Variants in ZNF341 observed in about 807,000 individuals in gnomAD.
ZNF341 encodes the protein zinc finger protein 341.
A neutral mutation model predicts 87.7 loss-of-function variants in ZNF341; 52 were observed. The observed-to-expected ratio is 0.59, with a 90% confidence interval of 0.47 to 0.75. The LOEUF (loss-of-function observed/expected upper bound fraction) is 0.75. Ranked by LOEUF, ZNF341 falls within the 30% of genes least tolerant of loss-of-function variation. The pLI is 0.00. For missense variants in ZNF341, 977 were observed against 1,145.9 expected (o/e 0.85, Z 2.13); for synonymous variants, 459 against 472.7 (o/e 0.97, Z 0.38).
At chr20:33,769,247 G>A (rs994831926) in intron 9 of ZNF341, among the ~76,000 whole-genome samples, 2 of 152,102 alleles carry the variant, frequency 1.3e-5, no homozygotes, top group Non-Finnish European at 2.9e-5. Context: ...AGGCTCCTTA[G>A]ACAGCAGTTC....
At chr20:33,743,334 A>G (rs975384566) in intron 2 of ZNF341, among the ~76,000 whole-genome samples, 1 of 118,594 alleles carries the variant, frequency 8.4e-6, no homozygotes. Flanking sequence ...CACCCTGCCC[A>G]ATTTTTTTTT....
chr20:33,742,066 C>T (rs2018814280), intron 2 of ZNF341, among the ~76,000 whole-genome samples: 1 of 152,194 alleles, frequency 6.6e-6, no homozygotes, highest in Admixed American at 6.6e-5. Flanking sequence ...TGGTGAGACT[C>T]AGACTCCTTC....
chr20:33,760,461 T>G, intron 7 of ZNF341, among the ~76,000 whole-genome samples: 1 of 152,302 alleles, frequency 6.6e-6, no homozygotes, highest in East Asian at 1.9e-4. Context: ...AGCTACTGAC[T>G]ATACATGGCT....
intron 3 of ZNF341, among the ~76,000 whole-genome samples, chr20:33,746,817 G>T (rs2018935879): frequency 6.6e-6 from 1 of 152,138 alleles, no homozygotes; most frequent in Admixed American, 6.6e-5. Context: ...ATTGGGTGAG[G>T]AGTGTGAGAT....
At chr20:33,733,019 A>G (rs1211851702) in intron 1 of ZNF341, among the ~76,000 whole-genome samples, 1 of 152,160 alleles carries the variant, frequency 6.6e-6, no homozygotes, top group Non-Finnish European at 1.5e-5. Context: ...TGAGTCCTGC[A>G]GCTTCCTAGG....
rs2018586808 is a variant in ZNF341 at position 33,732,316 on chromosome 20, T to C, written c.31+264T>C. On this transcript the variant is annotated intron_variant, in intron 1 of 14. Transcript: ENST00000375200. This position sits in a 1 kb window ranked among gnomAD's most constrained non-coding sequence, Gnocchi z 4.5. ...CGGAACAGCGCCAGCCTGGGCGGCCTTGGGCGGGCGCGGGAGGGGCTCCCT... is the reference window on the plus strand; with the variant it reads ...CGGAACAGCGCCAGCCTGGGCGGCCCTGGGCGGGCGCGGGAGGGGCTCCCT... 6.7e-6 allele frequency among the ~76,000 whole-genome samples: 1 copy of C among 149,170 alleles called. No individual in the cohort carries two copies. Among genetic ancestry groups the C allele is most frequent in the Non-Finnish European group, 1.5e-5 (1 of 67,190 alleles).
Position 33,770,183 on chromosome 20 carries a change from T to C in ZNF341, c.1513T>C (p.Cys505Arg). The stretch of plus-strand genomic sequence containing the variant: ...CCACCAGGAGGAGCTGAGCTACCGC[T>C]GCCACCTCTGCGGCAAGGACTTCCC... Reference protein sequence around the residue: ...KSHQEELSYRCHLCGKDFPSL... With the variant: ...KSHQEELSYRRHLCGKDFPSL... Residue 505 changes from cysteine to arginine, a missense_variant, in exon 10 of 15, where the codon TGC becomes CGC. Physicochemically the swap from Cys to Arg is radical, Grantham distance 180. This residue lies in a region of ZNF341 where 241 missense variants were observed against 335.0 expected (regional missense o/e 0.72). Coordinates refer to ENST00000375200, the MANE Select transcript of ZNF341 (RefSeq NM_001282933.2). The C allele has an allele frequency of 6.2e-7, 1 of 1,614,178 alleles. No homozygotes were observed. The highest frequency in any genetic ancestry group is 8.5e-7 in the Non-Finnish European group (1 of 1,180,022).
intron 4 of ZNF341, chr20:33,752,571 G>T: frequency 2.7e-6 from 1 of 371,336 alleles, no homozygotes; most frequent in East Asian, 5.8e-5. Context: ...GGAAAGGGAA[G>T]CCCTTCTTAA....
intron 12 of ZNF341, chr20:33,788,415 T>G (rs2019918028): frequency 5.4e-6 from 1 of 186,562 alleles, no homozygotes; most frequent in African/African-American, 3.2e-5. Flanking sequence ...AGAGCAAGGC[T>G]CTGTCTCAAA....
chr20:33,746,674 C>T (rs991935596), intron 3 of ZNF341, among the ~76,000 whole-genome samples: 1 of 152,072 alleles, frequency 6.6e-6, no homozygotes, highest in Non-Finnish European at 1.5e-5. Flanking sequence ...CCAGGAGACC[C>T]GTTGAGGGAC....
intron 10 of ZNF341, among the ~76,000 whole-genome samples, chr20:33,774,401 A>G (rs1273969384): frequency 2.6e-5 from 4 of 152,222 alleles, no homozygotes; most frequent in African/African-American, 9.6e-5. Flanking sequence ...CCACACAAAA[A>G]CAAAAAACCA....
At chr20:33,788,089 A>G (rs2019907376) in intron 12 of ZNF341, 1 of 810 alleles carries the variant, frequency 1.2e-3, no homozygotes, top group African/African-American at 8.2e-3. Context: ...TGCTGTTCAG[A>G]CCTTCTGGTG....
At chr20:33,740,789 T>A (rs1404847262) in intron 1 of ZNF341, 113 bp from the exon 2 acceptor site, 1 of 863,408 alleles carries the variant, frequency 1.2e-6, no homozygotes, top group Non-Finnish European at 1.8e-6. Context: ...ATTACAGGTC[T>A]GAGCCACCGT....
At chr20:33,759,779 AGAGAGAGAGAGG>A (rs1344289986) in intron 7 of ZNF341, among the ~76,000 whole-genome samples, 3 of 151,758 alleles carry the variant, frequency 2.0e-5, no homozygotes, top group Admixed American at 6.6e-5. Context: ...AGAGGGAGAG[AGAGAGAGAGAGG>A]GAGAGAGAGA....
Position 33,753,858 on chromosome 20 carries a change from G to GT in ZNF341, c.741+438dup, listed in dbSNP as rs1217682548. ...GGCATCAGTGGCATATACCAAAAGTGTTTATTATTCACGTGTTTACAGTGG... is the reference window on the plus strand; with the variant it reads ...GGCATCAGTGGCATATACCAAAAGTGTTTTATTATTCACGTGTTTACAGTGG... On this transcript the variant is annotated intron_variant, in intron 5 of 14. Coordinates refer to ENST00000375200, the MANE Select transcript of ZNF341 (RefSeq NM_001282933.2). Among the ~76,000 whole-genome samples the GT allele has an allele frequency of 2.0e-5, 3 of 152,314 alleles. No homozygotes were observed. The South Asian group carries it at 6.2e-4, about 32-fold the overall frequency.
rs2018787057 is a variant in ZNF341 at position 33,740,959 on chromosome 20, TC to T, written c.92del (p.Pro31LeufsTer39). Reference sequence around the variant, plus strand: ...TCATTATTGGATGGCCAAGGAGCAGTCCCTGATCCGACAGGCCAGAGTGTCA... The same window carrying T: ...TCATTATTGGATGGCCAAGGAGCAGTCCTGATCCGACAGGCCAGAGTGTCA... ...VQSLLDGQGA[V>X]PDPTGQSVNA... is the part of the protein sequence containing the mutation. On this transcript the variant is annotated frameshift_variant, in exon 2 of 15. Transcript: ENST00000375200. LOFTEE classifies it high-confidence loss of function. 13 of 1,614,182 alleles carry T rather than the reference TC, an allele frequency of 8.1e-6. No homozygotes were observed. The highest frequency in any genetic ancestry group is 1.1e-5 in the Non-Finnish European group (13 of 1,180,038).
chr20:33,764,276 C>T (rs1188644346), intron 8 of ZNF341, among the ~76,000 whole-genome samples: 11 of 150,478 alleles, frequency 7.3e-5, no homozygotes, highest in Non-Finnish European at 1.0e-4. Context: ...ATCCACTCAC[C>T]TCGGCCTCCC....
chr20:33,786,250 C>T (rs1294912687), intron 12 of ZNF341, among the ~76,000 whole-genome samples: 3 of 151,822 alleles, frequency 2.0e-5, no homozygotes, highest in East Asian at 1.9e-4. Context: ...GTGATCCCCC[C>T]GCCCCAGCCT....
chr20:33,747,487 C>T (rs987944466), intron 3 of ZNF341, among the ~76,000 whole-genome samples: 11 of 142,666 alleles, frequency 7.7e-5, no homozygotes, highest in South Asian at 6.4e-4. Context: ...TAGTGGCGGG[C>T]GCCTGTAGTC....
Sources: allele counts gnomAD v4.1 joint callset (sites outside exome capture counted in the v4.1 genomes callset), GRCh38; gene constraint gnomAD v4.1.1; regional missense constraint gnomAD v4.1.1; non-coding constraint Gnocchi (gnomAD v3.1); transcripts MANE v1.5; gene names NCBI Gene and HGNC (gene_info 2026-07-23, HGNC 2026-07-21).